E2F3: variants seen among roughly 807,000 people sequenced by gnomAD.
The protein encoded by E2F3 is E2F transcription factor 3, also known as transcription factor E2F3.
E2F3 carries 11 observed loss-of-function variants against 44.4 expected under a neutral mutation model. That is an observed-to-expected ratio of 0.25 (90% confidence interval 0.16 to 0.41). The LOEUF is 0.41. E2F3 is among the 10% of genes least tolerant of loss of function. E2F3 has a pLI of 1.00. For synonymous variants in E2F3, 249 were observed against 253.0 expected (o/e 0.98, Z 0.15); for missense variants, 487 against 583.6 (o/e 0.83, Z 1.70).
chr6:20,493,434 T>C lies in E2F3; in HGVS notation c.*3004T>C, dbSNP rs1200748955. ...ATTGTCAGGGTGTGGGAATTTCTTT[T>C]CCTACGGGGTACGTGATTTTGTAAA... On this transcript the variant is annotated 3_prime_UTR_variant, in exon 7 of 7. Coordinates refer to ENST00000346618, the MANE Select transcript of E2F3 (RefSeq NM_001949.5). 4.4e-6 allele frequency: 1 copy of C among 227,620 alleles called. No homozygotes were observed. The highest frequency in any genetic ancestry group is 5.7e-5 in the Admixed American group (1 of 17,610). 14.1% of individuals were successfully genotyped at this position (227,620 alleles called of 1,614,324 possible).
At chr6:20,416,759 T>C (rs1581575528) in intron 1 of E2F3, among the ~76,000 whole-genome samples, 2 of 152,286 alleles carry the variant, frequency 1.3e-5, no homozygotes, top group East Asian at 3.9e-4. Context: ...TGGGCTGCAA[T>C]GTTATATGGT....
chr6:20,451,579 A>C (rs1761132611), intron 1 of E2F3, among the ~76,000 whole-genome samples: 1 of 152,176 alleles, frequency 6.6e-6, no homozygotes, highest in African/African-American at 2.4e-5. Flanking sequence ...TGCTCTGGCC[A>C]GGGCTTCCAA....
chr6:20,449,816 A>G (rs1761067635), intron 1 of E2F3, among the ~76,000 whole-genome samples: 1 of 151,866 alleles, frequency 6.6e-6, no homozygotes, highest in Non-Finnish European at 1.5e-5. Flanking sequence ...GTTCCCCTTT[A>G]TGTGTCCATA....
chr6:20,407,807 A>T (rs1759539849), intron 1 of E2F3, among the ~76,000 whole-genome samples: 1 of 152,218 alleles, frequency 6.6e-6, no homozygotes, highest in East Asian at 1.9e-4. Context: ...AAGCTAGCCA[A>T]CTTCAATTCC....
intron 1 of E2F3, among the ~76,000 whole-genome samples, chr6:20,420,704 C>T (rs1759998167): frequency 6.6e-6 from 1 of 152,188 alleles, no homozygotes; most frequent in Non-Finnish European, 1.5e-5. Flanking sequence ...GAGCCTTCAG[C>T]GAGTCATCTT....
chr6:20,401,890 G>T lies in E2F3; in HGVS notation c.-343G>T. ...AACCGTATCCCTTCATTCATTGTCA[G>T]CAGCAGCTTCCTGGAGCCATTTTTC... On this transcript the variant is annotated 5_prime_UTR_variant, in exon 1 of 7. Transcript: ENST00000346618. 1 of 369,656 alleles carries T rather than the reference G, an allele frequency of 2.7e-6. No homozygotes were observed. Among genetic ancestry groups the T allele is most frequent in the Non-Finnish European group, 4.8e-6 (1 of 208,478 alleles). The allele number at this position is 369,656 out of a possible 1,614,324, so 22.9% of individuals were successfully genotyped here.
At chr6:20,452,834 G>C (rs1242865688) in intron 1 of E2F3, among the ~76,000 whole-genome samples, 1 of 152,074 alleles carries the variant, frequency 6.6e-6, no homozygotes, top group Non-Finnish European at 1.5e-5. Flanking sequence ...CACACCTGTA[G>C]TCCCAGCTGC....
intron 1 of E2F3, among the ~76,000 whole-genome samples, chr6:20,458,304 C>T (rs1761382913): frequency 1.3e-5 from 2 of 152,000 alleles, no homozygotes; most frequent in South Asian, 4.1e-4. Flanking sequence ...ATGGTTGTGT[C>T]GTTTTGCCGG....
At chr6:20,417,697 T>C (rs1360660220) in intron 1 of E2F3, among the ~76,000 whole-genome samples, 1 of 152,162 alleles carries the variant, frequency 6.6e-6, no homozygotes, top group Non-Finnish European at 1.5e-5. Flanking sequence ...ATTTAACAGC[T>C]GTCATTTAAT....
Position 20,486,707 on chromosome 6 carries a change from T to C in E2F3, c.903T>C (p.Tyr301=). ...TCTTTACGTTAGCTTATGTTACATATCAAGATATTCGAAAAATTAGTGGCC... is the reference window on the plus strand; with the variant it reads ...TCTTTACGTTAGCTTATGTTACATACCAAGATATTCGAAAAATTAGTGGCC... ...SENQRLAYVT[Y]QDIRKISGLK... The change falls in exon 5 of 7, where the codon TAT becomes TAC. Residue 301 remains tyrosine (Y), a synonymous_variant. Transcript: ENST00000346618. 6.2e-7 allele frequency: 1 copy of C among 1,605,336 alleles called. No homozygotes were observed. Among genetic ancestry groups the C allele is most frequent in the Non-Finnish European group, 8.5e-7 (1 of 1,173,624 alleles).
chr6:20,458,824 G>C (rs549454294), intron 1 of E2F3, among the ~76,000 whole-genome samples: 81 of 152,310 alleles, frequency 5.3e-4, no homozygotes, highest in African/African-American at 1.6e-3. Context: ...AGTAAGAAAG[G>C]TTCTTCCATT....
chr6:20,414,314 C>T (rs532332688), intron 1 of E2F3, among the ~76,000 whole-genome samples: 1 of 152,256 alleles, frequency 6.6e-6, no homozygotes, highest in East Asian at 1.9e-4. Flanking sequence ...ACATGCTTTA[C>T]CCCGTCTCCT....
At chr6:20,466,969 C>CTGG (rs1761734950) in intron 1 of E2F3, among the ~76,000 whole-genome samples, 1 of 152,152 alleles carries the variant, frequency 6.6e-6, no homozygotes, top group Admixed American at 6.5e-5. Context: ...TGTGAACAAC[C>CTGG]GCGCCCGGCC....
chr6:20,459,555 A>G (rs1041273651), intron 1 of E2F3, among the ~76,000 whole-genome samples: 2 of 152,204 alleles, frequency 1.3e-5, no homozygotes, highest in Non-Finnish European at 2.9e-5. Context: ...AAATTTTTTT[A>G]TCTTAACAAA....
intron 1 of E2F3, chr6:20,403,852 C>A: frequency 7.0e-7 from 1 of 1,420,256 alleles, no homozygotes; most frequent in Non-Finnish European, 9.4e-7. Flanking sequence ...CGGGACGGCT[C>A]GGGGGCCGCC....
In E2F3 at chr6:20,490,165, C is replaced by A. The variant is rs1400553823; in HGVS notation, c.1136-3C>A. ...TTTGTTTCCATCAATGTTTTCTTTTCAGACTTGGCTTCAACCAACTCAGGA... is the reference window on the plus strand; with the variant it reads ...TTTGTTTCCATCAATGTTTTCTTTTAAGACTTGGCTTCAACCAACTCAGGA... On this transcript the variant is annotated splice_polypyrimidine_tract_variant and splice_region_variant and intron_variant, in intron 6 of 6. Transcript: ENST00000346618. The surrounding 1 kb of genome is among the most constrained non-coding windows in gnomAD (Gnocchi z 4.3). 16 of 1,553,696 alleles carry A rather than the reference C, an allele frequency of 1.0e-5. No homozygotes were observed. Among genetic ancestry groups the A allele is most frequent in the Non-Finnish European group, 1.4e-5 (16 of 1,151,628 alleles).
At chr6:20,434,277 C>T (rs973340398) in intron 1 of E2F3, among the ~76,000 whole-genome samples, 13 of 152,136 alleles carry the variant, frequency 8.5e-5, no homozygotes, top group African/African-American at 2.9e-4. Flanking sequence ...GGAGCACCAT[C>T]GTTAAAAAAG....
intron 1 of E2F3, among the ~76,000 whole-genome samples, chr6:20,412,702 C>T (rs993322401): frequency 2.0e-5 from 3 of 152,142 alleles, no homozygotes; most frequent in African/African-American, 7.2e-5. Context: ...GACCTGGTCA[C>T]AGGCAGTGGG....
chr6:20,456,113 TA>T (rs1219714768), intron 1 of E2F3, among the ~76,000 whole-genome samples: 1 of 152,158 alleles, frequency 6.6e-6, no homozygotes, highest in East Asian at 1.9e-4. Context: ...CGGTGGGTCT[TA>T]CCCAGAGATG....
Sources: allele counts gnomAD v4.1 joint callset (sites outside exome capture counted in the v4.1 genomes callset), GRCh38; gene constraint gnomAD v4.1.1; non-coding constraint Gnocchi (gnomAD v3.1); transcripts MANE v1.5; gene names NCBI Gene and HGNC (gene_info 2026-07-23, HGNC 2026-07-21).